Variants in CPLANE1 observed in about 807,000 individuals in gnomAD.
CPLANE1 encodes ciliogenesis and planar polarity effector 1.
A neutral mutation model predicts 362.5 loss-of-function variants in CPLANE1; 263 were observed. The observed-to-expected ratio is 0.73, with a 90% CI of 0.66 to 0.80. The LOEUF (loss-of-function observed/expected upper bound fraction) is 0.80. Among genes scored for constraint, CPLANE1 ranks in the 30% least tolerant of loss-of-function variants. The pLI, the probability that CPLANE1 is intolerant of heterozygous loss-of-function variation, is 0.00. For synonymous variants in CPLANE1, 1,212 were observed against 1,302.6 expected, an observed-to-expected ratio of 0.93 and a Z score of 1.50; for missense variants, 3,461 against 3,793.4, an observed-to-expected ratio of 0.91 and a Z score of 2.30.
chr5:37,200,357 T>G (rs1012460235), intron 19 of CPLANE1, among the ~76,000 whole-genome samples: 1 of 152,242 alleles, frequency 6.6e-6, no homozygotes, highest in Non-Finnish European at 1.5e-5. Context: ...AACTATTATC[T>G]GCACAGGCTA....
Position 37,164,269 on chromosome 5 carries a change from A to T in CPLANE1, c.7588+4T>A, listed in dbSNP as rs1399270814. ...GACATTACATTAATCATACACATACATACCAAAAGGAACGTCGAAGTCATC... is the reference window on the plus strand; with the variant it reads ...GACATTACATTAATCATACACATACTTACCAAAAGGAACGTCGAAGTCATC... On this transcript the variant is annotated splice_donor_region_variant and intron_variant, in intron 37 of 52. Transcript: ENST00000651892. 1 of 1,608,010 alleles carries T rather than the reference A, an allele frequency of 6.2e-7. No individual in the cohort carries two copies. Among genetic ancestry groups the T allele is most frequent in the South Asian group, 1.1e-5 (1 of 90,956 alleles).
chr5:37,193,736 GTTTTTGTTTTTGTTT>G (rs1786343011), intron 21 of CPLANE1, among the ~76,000 whole-genome samples: 1 of 151,746 alleles, frequency 6.6e-6, no homozygotes, highest in Non-Finnish European at 1.5e-5. Context: ...TTGTTTTTTT[GTTTTTGTTTTTGTTT>G]TTAAAGAAAC....
rs1779063572 is a variant in CPLANE1, at chr5:37,169,096, C to T, written c.6928G>A (p.Glu2310Lys). ...QKTWAETVIT[E>K]IPNHVNLDQY... is the part of the protein sequence containing the mutation. ...TCCAAGTTCACATGATTAGGAATTT[C>T]TGTAATTACAGTTTCTGCCCACGTC... Residue 2310 changes from glutamate (E) to lysine (K), a missense_variant, in exon 34 of 53, where the codon GAA becomes AAA. Coordinates refer to ENST00000651892, the MANE Select transcript of CPLANE1 (RefSeq NM_001384732.1). The T allele has an allele frequency of 6.2e-7, 1 of 1,614,036 alleles. No individual in the cohort carries two copies. Among genetic ancestry groups the T allele is most frequent in the Non-Finnish European group, 8.5e-7 (1 of 1,180,034 alleles).
At chr5:37,230,409 A>G (rs990671030) in intron 9 of CPLANE1, among the ~76,000 whole-genome samples, 2 of 152,046 alleles carry the variant, frequency 1.3e-5, no homozygotes, top group South Asian at 4.1e-4. Context: ...AATATTGTAT[A>G]TCAATAAAAA....
Position 37,209,973 on chromosome 5 carries a change from AAG to A in CPLANE1, c.2921-3550_2921-3549del. 1 of 1,016,512 alleles carries A rather than the reference AAG, an allele frequency of 9.8e-7. No individual in the cohort carries two copies. The allele number at this position is 1,016,512 out of a possible 1,614,324, so 63.0% of individuals were successfully genotyped here. On this transcript the variant is annotated intron_variant, in intron 16 of 52. Coordinates refer to ENST00000651892, the MANE Select transcript of CPLANE1 (RefSeq NM_001384732.1). This position sits in a 1 kb window ranked among gnomAD's most constrained non-coding sequence, Gnocchi z 4.6. ...TTTAGAAATAAAGCTAAATGAATAT[AAG>A]AGAGAAATAGAAGAGCAACTTCGGG...
intron 42 of CPLANE1, among the ~76,000 whole-genome samples, chr5:37,150,524 G>A (rs992779263): frequency 8.0e-5 from 12 of 149,690 alleles, no homozygotes; most frequent in East Asian, 2.0e-4. Flanking sequence ...ACACACGCGC[G>A]CACACACACA....
intron 18 of CPLANE1, 73 bp from the exon 19 acceptor site, chr5:37,201,881 T>A: frequency 2.9e-6 from 3 of 1,049,020 alleles, no homozygotes; most frequent in Non-Finnish European, 4.1e-6. Flanking sequence ...TAGGAAAAAA[T>A]TTCAAATCTA....
intron 41 of CPLANE1, 129 bp downstream of exon 41, chr5:37,157,184 T>C (rs1467902598): frequency 5.7e-6 from 2 of 351,674 alleles, no homozygotes; most frequent in Non-Finnish European, 1.1e-5. Context: ...ATTTACCTAC[T>C]TGCCCCCATG....
At chr5:37,123,506 C>A (rs935904683) in intron 47 of CPLANE1, among the ~76,000 whole-genome samples, 2 of 152,164 alleles carry the variant, frequency 1.3e-5, no homozygotes, top group African/African-American at 4.8e-5. Context: ...TTGAATGAGA[C>A]CACAAAATCT....
At chr5:37,179,962 T>A in intron 28 of CPLANE1, 55 bp downstream of exon 28, 1 of 1,216,064 alleles carries the variant, frequency 8.2e-7, no homozygotes, top group East Asian at 2.6e-5. Context: ...GATAATATTA[T>A]TTACCAATTT....
rs367543063 is a variant in CPLANE1, at chr5:37,183,377, G to A, written c.4804C>T (p.Arg1602Ter). 21 of 1,612,502 alleles carry A rather than the reference G, an allele frequency of 1.3e-5. No individual in the cohort carries two copies. Among genetic ancestry groups the A allele is most frequent in the African/African-American group, 5.3e-5 (4 of 74,778 alleles). ...TGGCTTTTAGTTTTGCTCTGATGTC[G>A]TTTTAATGTTGTATGTACATCAAAA... ...LLFDVHTTLK[R>*]HQSKTKSQNV... The change falls in exon 26 of 53, where the codon CGA becomes TGA. Residue 1602 changes from arginine (R) to a stop codon, truncating the protein, a stop_gained. Transcript: ENST00000651892. LOFTEE classifies it high-confidence loss of function.
the CPLANE1 span, among the ~76,000 whole-genome samples, chr5:37,088,155 G>A: frequency 6.6e-6 from 1 of 152,230 alleles, no homozygotes; most frequent in African/African-American, 2.4e-5. Flanking sequence ...TGTTTGACAA[G>A]GGCCTCAAGA....
At chr5:37,132,918 A>C (rs931589883) in intron 46 of CPLANE1, among the ~76,000 whole-genome samples, 4 of 152,124 alleles carry the variant, frequency 2.6e-5, no homozygotes, top group Non-Finnish European at 5.9e-5. Context: ...CTTATATTTA[A>C]ATGTTTTATT....
intron 46 of CPLANE1, 85 bp from the exon 47 acceptor site, chr5:37,125,494 G>A (rs935165018): frequency 2.9e-5 from 40 of 1,355,998 alleles, no homozygotes; most frequent in African/African-American, 1.6e-4. Flanking sequence ...CTATTTATCC[G>A]GAAATATTTT....
intron 16 of CPLANE1, chr5:37,211,844 A>T: frequency 1.3e-6 from 1 of 793,688 alleles, no homozygotes; most frequent in Non-Finnish European, 2.3e-6. Flanking sequence ...AATTTGAATC[A>T]TCTTTTGAAT....
At position 37,120,221 on chromosome 5, in the gene CPLANE1, G is replaced by A. The variant is rs1207975219; in HGVS notation, c.9305C>T (p.Pro3102Leu). The A allele has an allele frequency of 6.2e-7, 1 of 1,601,246 alleles. No individual in the cohort carries two copies. Among genetic ancestry groups the A allele is most frequent in the East Asian group, 2.2e-5 (1 of 44,650 alleles). ...AAAAAAGCTTTAAGTCTTACCATGT[G>A]GCCAAGGTGAGCCTTGAGGTTGCCC... ...SFGQPQGSPW[P>L]HGTATFTIQK... is the part of the protein sequence containing the mutation. Residue 3102 changes from proline to leucine, a missense_variant, in exon 50 of 53, where the codon CCA becomes CTA. By Grantham distance (98) the Pro-to-Leu change is moderately conservative. Around this residue, in one of 2 missense-constraint regions of CPLANE1, gnomAD observed 3,380 missense variants for 3,666.1 expected, o/e 0.92. Transcript: ENST00000651892.
intron 51 of CPLANE1, among the ~76,000 whole-genome samples, chr5:37,114,142 C>T (rs1049800785): frequency 1.2e-4 from 18 of 152,202 alleles, no homozygotes; most frequent in African/African-American, 3.9e-4. Flanking sequence ...ATCATTATCC[C>T]TACCAAATTT....
chr5:37,247,558 A>C (rs1740145917), intron 2 of CPLANE1, 60 bp downstream of exon 2: 1 of 1,415,536 alleles, frequency 7.1e-7, no homozygotes, highest in Admixed American at 2.2e-5. Context: ...CCTATATTAC[A>C]GGCAAAACAC....
the CPLANE1 span, among the ~76,000 whole-genome samples, chr5:37,081,469 C>T: frequency 3.6e-4 from 55 of 151,960 alleles, no homozygotes; most frequent in Non-Finnish European, 6.8e-4. Flanking sequence ...ACTACAGGCA[C>T]GTACCATCAC....
Sources: gnomAD v4.1 joint callset for allele counts (sites outside exome capture counted in the v4.1 genomes callset) on GRCh38, gnomAD v4.1.1 for gene constraint, gnomAD v4.1.1 regional missense constraint, Gnocchi (gnomAD v3.1) non-coding constraint, MANE v1.5 for transcripts, NCBI Gene and HGNC (gene_info 2026-07-23, HGNC 2026-07-21) for gene names.